The following ATP10B variants were observed in gnomAD, a reference collection of about 807,000 sequenced individuals.
ATP10B encodes ATPase phospholipid transporting 10B (putative).
A neutral mutation model predicts 141.2 loss-of-function variants in ATP10B; 122 were observed. That is an observed-to-expected ratio of 0.86 (90% confidence interval 0.75 to 1.00). ATP10B has a LOEUF of 1.00. ATP10B is among the 50% of genes least tolerant of loss of function. The pLI, the probability that ATP10B is intolerant of heterozygous loss-of-function variation, is 0.00. For synonymous variants in ATP10B, 685 were observed against 692.0 expected, an observed-to-expected ratio of 0.99 and a Z score of 0.16; for missense variants, 1,876 against 1,825.3, an observed-to-expected ratio of 1.03 and a Z score of -0.51.
At chr5:160,586,211 C>G (rs139750531) in intron 24 of ATP10B, among the ~76,000 whole-genome samples, 111 of 152,216 alleles carry the variant, frequency 7.3e-4, no homozygotes, top group African/African-American at 2.5e-3. Flanking sequence ...TCCCACTTAT[C>G]AGTGAGAACA....
At chr5:160,597,306 T>A (rs1267005659) in intron 22 of ATP10B, among the ~76,000 whole-genome samples, 5 of 152,158 alleles carry the variant, frequency 3.3e-5, no homozygotes, top group South Asian at 2.1e-4. Flanking sequence ...AGGATTCCCT[T>A]TTTAATAAAT....
At chr5:160,787,188 T>C (rs1436205507) in intron 1 of ATP10B, among the ~76,000 whole-genome samples, 1 of 151,092 alleles carries the variant, frequency 6.6e-6, no homozygotes, top group Non-Finnish European at 1.5e-5. Flanking sequence ...AATTTTTACT[T>C]AAAAAGGGTA....
intron 1 of ATP10B, among the ~76,000 whole-genome samples, chr5:160,817,472 C>T (rs1282034152): frequency 6.6e-6 from 1 of 152,166 alleles, no homozygotes; most frequent in Non-Finnish European, 1.5e-5. Flanking sequence ...TCAATAACTA[C>T]AAACCACGGC....
At chr5:160,633,995 G>A in intron 12 of ATP10B, 1 of 378,130 alleles carries the variant, frequency 2.6e-6, no homozygotes, top group South Asian at 2.1e-5. Flanking sequence ...AAGGTGGCCT[G>A]AGAAATTCCT....
At position 160,785,592 on chromosome 5, in the gene ATP10B, C is replaced by T; in HGVS notation, c.-364G>A. 1 of 1,013,572 alleles carries T rather than the reference C, an allele frequency of 9.9e-7. No individual in the cohort carries two copies. Among genetic ancestry groups the T allele is most frequent in the Non-Finnish European group, 1.4e-6 (1 of 737,544 alleles). The allele number at this position is 1,013,572 out of a possible 1,614,324, so 62.8% of individuals were successfully genotyped here. On this transcript the variant is annotated 5_prime_UTR_variant, in exon 2 of 26. Transcript: ENST00000327245. Reference sequence around the variant, plus strand: ...TAGATTTCAAGTCTTGTTCCTCTTTCTCCTTCCCTCCTTTTTGAAGTCTCA... The same window carrying T: ...TAGATTTCAAGTCTTGTTCCTCTTTTTCCTTCCCTCCTTTTTGAAGTCTCA...
At chr5:160,722,082 G>A (rs764573245) in intron 2 of ATP10B, among the ~76,000 whole-genome samples, 5 of 152,162 alleles carry the variant, frequency 3.3e-5, no homozygotes, top group African/African-American at 4.8e-5. Context: ...GTGCTTCGTA[G>A]GAAGTATTTG....
At chr5:160,587,961 C>CCTCCTGAG (rs1166762150) in intron 24 of ATP10B, among the ~76,000 whole-genome samples, 1 of 152,166 alleles carries the variant, frequency 6.6e-6, no homozygotes, top group Non-Finnish European at 1.5e-5. Context: ...TCTGCTTCAG[C>CCTCCTGAG]CTCCTGAGCT....
At chr5:160,926,466 G>A in the ATP10B span, among the ~76,000 whole-genome samples, 5 of 152,202 alleles carry the variant, frequency 3.3e-5, no homozygotes, top group Non-Finnish European at 7.3e-5. Context: ...GACTAGCGCA[G>A]GGAAATAGAA....
At position 160,563,361 on chromosome 5, in the gene ATP10B, G is replaced by T. The variant is rs1289701652; in HGVS notation, c.*2092C>A. Reference sequence around the variant, plus strand: ...AGTTGCTCCAGTTTCCTAGGATTTGGGACTCTGTAAAAATGAGAAAGTCCC... The same window carrying T: ...AGTTGCTCCAGTTTCCTAGGATTTGTGACTCTGTAAAAATGAGAAAGTCCC... On this transcript the variant is annotated 3_prime_UTR_variant, in exon 26 of 26. Coordinates refer to ENST00000327245, the MANE Select transcript of ATP10B (RefSeq NM_025153.3). 1 of 152,052 alleles carries T rather than the reference G, an allele frequency of 6.6e-6. No individual in the cohort carries two copies. Among genetic ancestry groups the T allele is most frequent in the Non-Finnish European group, 1.5e-5 (1 of 68,012 alleles). 9.4% of individuals were successfully genotyped at this position (152,052 alleles called of 1,614,324 possible). A position where few individuals can be genotyped will look rare whatever the true frequency, so the allele number is the denominator to read the frequency against.
chr5:160,595,266 C>G (rs1346404253), intron 22 of ATP10B, among the ~76,000 whole-genome samples: 1 of 151,716 alleles, frequency 6.6e-6, no homozygotes, highest in Admixed American at 6.6e-5. Flanking sequence ...TACATGGAAA[C>G]TGAACAACCT....
At chr5:160,831,802 A>G (rs1561905123) in intron 1 of ATP10B, among the ~76,000 whole-genome samples, 1 of 152,170 alleles carries the variant, frequency 6.6e-6, no homozygotes, top group Non-Finnish European at 1.5e-5. Context: ...GTTCTATAGG[A>G]TGTCAAGAGG....
chr5:160,902,245 T>A, the ATP10B span, among the ~76,000 whole-genome samples: 1 of 152,198 alleles, frequency 6.6e-6, no homozygotes, highest in Non-Finnish European at 1.5e-5. Context: ...AAAGAAAATT[T>A]AGTCTCATTG....
chr5:160,685,481 G>C (rs1021479403), intron 6 of ATP10B: 3 of 323,858 alleles, frequency 9.3e-6, no homozygotes, highest in Non-Finnish European at 1.7e-5. Context: ...TTTCCACCCT[G>C]GGCAGCCAAG....
the ATP10B span, among the ~76,000 whole-genome samples, chr5:160,924,455 A>T: frequency 1.6e-4 from 24 of 152,166 alleles, no homozygotes; most frequent in South Asian, 5.0e-3. Flanking sequence ...CACATAGTAA[A>T]TACTCAATAA....
intron 2 of ATP10B, among the ~76,000 whole-genome samples, chr5:160,734,923 CA>C (rs1160892959): frequency 6.6e-6 from 1 of 151,776 alleles, no homozygotes; most frequent in East Asian, 1.9e-4. Context: ...GTGTTGTTAT[CA>C]GGTTAAAATA....
chr5:160,848,102 C>A (rs1776235431), intron 1 of ATP10B, among the ~76,000 whole-genome samples: 2 of 152,114 alleles, frequency 1.3e-5, no homozygotes, highest in African/African-American at 2.4e-5. Context: ...TACACACATA[C>A]AATACACATG....
At chr5:160,770,307 C>T (rs1202314088) in intron 2 of ATP10B, among the ~76,000 whole-genome samples, 1 of 152,032 alleles carries the variant, frequency 6.6e-6, no homozygotes, top group African/African-American at 2.4e-5. Context: ...TCTTCCCCAC[C>T]CCACCTCTTC....
At chr5:160,845,594 A>T (rs537351215) in intron 1 of ATP10B, among the ~76,000 whole-genome samples, 112 of 152,266 alleles carry the variant, frequency 7.4e-4, no homozygotes, top group Middle Eastern at 3.4e-3. Context: ...AAGTTTTTTT[A>T]AAAAAATAAA....
At chr5:160,664,222 T>C (rs776193205) in intron 7 of ATP10B, among the ~76,000 whole-genome samples, 6 of 152,346 alleles carry the variant, frequency 3.9e-5, no homozygotes, top group Non-Finnish European at 7.4e-5. Context: ...GAACTTTCTC[T>C]GGTTCTCAAG....
Sources: allele counts gnomAD v4.1 joint callset (sites outside exome capture counted in the v4.1 genomes callset), GRCh38; gene constraint gnomAD v4.1.1; transcripts MANE v1.5; gene names NCBI Gene and HGNC (gene_info 2026-07-23, HGNC 2026-07-21).